The following GOLIM4 variants were observed in gnomAD, a reference collection of about 807,000 sequenced individuals.
GOLIM4 encodes the protein golgi integral membrane protein 4, also known as 130 kDa golgi-localized phosphoprotein.
Under a neutral mutation model 107.4 loss-of-function variants are expected in GOLIM4, and 71 were observed. The ratio of observed to expected loss-of-function variants is 0.66; its 90% CI spans 0.55 to 0.81. The LOEUF is 0.81. Ranked by LOEUF, GOLIM4 falls within the 30% of genes least tolerant of loss-of-function variation. The pLI is 0.00. For missense variants in GOLIM4, 830 were observed against 826.1 expected, an observed-to-expected ratio of 1.00 and a Z score of -0.06; for synonymous variants, 327 against 294.8, an observed-to-expected ratio of 1.11 and a Z score of -1.12.
At position 168,009,436 on chromosome 3, in the gene GOLIM4, A is replaced by AAAAAAAAAAAAAAC. The variant is rs1716865711; in HGVS notation, c.*832_*833insGTTTTTTTTTTTTT. ...ATCAATCAATGGCTTCAAACAAAAA[A>AAAAAAAAAAAAAAC]AAAAAAAAAAAATTGAGAATGGGTG... On this transcript the variant is annotated 3_prime_UTR_variant, in exon 16 of 16. Coordinates refer to ENST00000470487, the MANE Select transcript of GOLIM4 (RefSeq NM_014498.5). 6.7e-6 allele frequency: 1 copy of AAAAAAAAAAAAAAC among 148,410 alleles called. No individual in the cohort carries two copies. The highest frequency in any genetic ancestry group is 1.5e-5 in the Non-Finnish European group (1 of 66,790). The allele number at this position is 148,410 out of a possible 1,614,324, so 9.2% of individuals were successfully genotyped here.
chr3:168,043,380 T>C lies in GOLIM4; in HGVS notation c.516A>G (p.Lys172=). The C allele has an allele frequency of 1.2e-6, 2 of 1,601,278 alleles. No homozygotes were observed. The highest frequency in any genetic ancestry group is 1.7e-6 in the Non-Finnish European group (2 of 1,174,024). The change falls in exon 5 of 16, where the codon AAA becomes AAG. Residue 172 remains lysine, a splice_region_variant and synonymous_variant. Coordinates refer to ENST00000470487, the MANE Select transcript of GOLIM4 (RefSeq NM_014498.5). Reference sequence around the variant, plus strand: ...CTGGCTAATCAGATTTCCAAATACCTTTTAGCTTAGAAAGTTCTTGTTCTT... The same window carrying C: ...CTGGCTAATCAGATTTCCAAATACCCTTTAGCTTAGAAAGTTCTTGTTCTT... ...QEKEQELSKL[K]ETVYNLREEN...
intron 1 of GOLIM4, among the ~76,000 whole-genome samples, chr3:168,052,419 T>C (rs2108258581): frequency 6.6e-6 from 1 of 152,108 alleles, no homozygotes; most frequent in Non-Finnish European, 1.5e-5. Flanking sequence ...CACACACAGA[T>C]GTATACACAC....
intron 1 of GOLIM4, among the ~76,000 whole-genome samples, chr3:168,050,188 T>C (rs1332674686): frequency 2.0e-5 from 3 of 152,212 alleles, no homozygotes; most frequent in Admixed American, 1.3e-4. Flanking sequence ...ATCTCTACCA[T>C]GTACCTGGAC....
At chr3:168,075,825 ATTC>A (rs1221821082) in intron 1 of GOLIM4, among the ~76,000 whole-genome samples, 1 of 152,214 alleles carries the variant, frequency 6.6e-6, no homozygotes, top group African/African-American at 2.4e-5. Flanking sequence ...AGTTTCTGAC[ATTC>A]TTAAGGGGAC....
chr3:168,049,134 G>A (rs1003138883), intron 1 of GOLIM4, among the ~76,000 whole-genome samples: 1 of 152,130 alleles, frequency 6.6e-6, no homozygotes, highest in African/African-American at 2.4e-5. Flanking sequence ...AGAGTCGCCT[G>A]GTGAGCAGGG....
intron 8 of GOLIM4, among the ~76,000 whole-genome samples, chr3:168,033,371 C>A (rs1436294039): frequency 6.6e-6 from 1 of 151,508 alleles, no homozygotes; most frequent in African/African-American, 2.4e-5. Context: ...TTTGGGAGGT[C>A]GAGGCGGGTG....
intron 7 of GOLIM4, 68 bp from the exon 8 acceptor site, chr3:168,037,062 A>AGATCTATGAATGCC: frequency 1.4e-6 from 1 of 715,058 alleles, no homozygotes; most frequent in Non-Finnish European, 2.2e-6. Context: ...GCATTTGGGT[A>AGATCTATGAATGCC]CACTGTAAAA....
intron 9 of GOLIM4, 141 bp from the exon 10 acceptor site, chr3:168,030,177 A>C (rs1307661319): frequency 1.2e-6 from 1 of 823,478 alleles, no homozygotes; most frequent in Non-Finnish European, 1.8e-6. Flanking sequence ...TTATACATGA[A>C]GTCCAAAAAC....
At chr3:168,059,393 G>A (rs1163996924) in intron 1 of GOLIM4, among the ~76,000 whole-genome samples, 1 of 152,126 alleles carries the variant, frequency 6.6e-6, no homozygotes, top group Non-Finnish European at 1.5e-5. Flanking sequence ...CCAATTTCAA[G>A]TTCTACTTCA....
intron 14 of GOLIM4, among the ~76,000 whole-genome samples, chr3:168,022,560 T>C (rs1213924322): frequency 6.6e-6 from 1 of 152,118 alleles, no homozygotes; most frequent in Non-Finnish European, 1.5e-5. Context: ...ACTCTTCTCC[T>C]CTCTCAAGGG....
chr3:168,016,485 G>A (rs1296498057), intron 14 of GOLIM4, among the ~76,000 whole-genome samples: 10 of 132,306 alleles, frequency 7.6e-5, no homozygotes, highest in South Asian at 6.4e-4. Flanking sequence ...TCAGTGTGGC[G>A]ATTCCTCAGG....
At chr3:168,042,465 G>C (rs1477160040) in intron 5 of GOLIM4, among the ~76,000 whole-genome samples, 4 of 152,140 alleles carry the variant, frequency 2.6e-5, no homozygotes, top group Non-Finnish European at 5.9e-5. Context: ...ATTTTTAGTA[G>C]AGATGGGGTT....
chr3:168,029,808 C>A lies in GOLIM4; in HGVS notation c.1405G>T (p.Gly469Cys). ...AGCTGCTCCTGGTGCTGCGGCCGGC[C>A]CTCCTCAAGCTCAGCCTGCCTCTGC... ...ALQRQAELEEGRPQHQEQLRQ... is the reference protein window; with the variant it reads ...ALQRQAELEECRPQHQEQLRQ... Residue 469 changes from glycine (G) to cysteine (C), a missense_variant, in exon 10 of 16, where the codon GGC becomes TGC. Physicochemically the swap from Gly to Cys is radical, Grantham distance 159. Transcript: ENST00000470487. 1.9e-6 allele frequency: 3 copies of A among 1,613,946 alleles called. No individual in the cohort carries two copies. Among genetic ancestry groups the A allele is most frequent in the Non-Finnish European group, 2.5e-6 (3 of 1,180,028 alleles).
At chr3:168,030,062 A>G in intron 9 of GOLIM4, 26 bp from the exon 10 acceptor site, 1 of 1,607,256 alleles carries the variant, frequency 6.2e-7, no homozygotes, top group Non-Finnish European at 8.5e-7. Context: ...GTTGGTGCAG[A>G]GCAAGAGGGG....
chr3:168,046,640 C>A (rs1719321728), intron 3 of GOLIM4, among the ~76,000 whole-genome samples: 1 of 152,074 alleles, frequency 6.6e-6, no homozygotes, highest in Non-Finnish European at 1.5e-5. Context: ...GAAGGCAAAC[C>A]AAAATAAATC....
At chr3:168,042,282 G>C (rs368803233) in intron 5 of GOLIM4, among the ~76,000 whole-genome samples, 2 of 151,758 alleles carry the variant, frequency 1.3e-5, no homozygotes, top group Admixed American at 6.6e-5. Context: ...CACCCAGGCT[G>C]GAGTGCAGTG....
At chr3:168,074,580 C>T (rs1277520323) in intron 1 of GOLIM4, among the ~76,000 whole-genome samples, 2 of 152,086 alleles carry the variant, frequency 1.3e-5, no homozygotes, top group Admixed American at 6.5e-5. Flanking sequence ...TTAAAATTTC[C>T]TTCAAAGAGA....
intron 1 of GOLIM4, among the ~76,000 whole-genome samples, chr3:168,076,586 G>C (rs564837991): frequency 6.6e-6 from 1 of 152,242 alleles, no homozygotes; most frequent in African/African-American, 2.4e-5. Flanking sequence ...AGCTACTCAG[G>C]AGGCTGAGGC....
chr3:168,030,153 C>A, intron 9 of GOLIM4, 117 bp from the exon 10 acceptor site: 1 of 975,390 alleles, frequency 1.0e-6, no homozygotes. Context: ...GACTATTTGT[C>A]AGGTGAACTG....
Sources: allele counts gnomAD v4.1 joint callset (sites outside exome capture counted in the v4.1 genomes callset), GRCh38; gene constraint gnomAD v4.1.1; transcripts MANE v1.5; gene names NCBI Gene and HGNC (gene_info 2026-07-23, HGNC 2026-07-21).